The following TMTC2 variants were observed in gnomAD, a reference collection of about 807,000 sequenced individuals.
The protein encoded by TMTC2 is transmembrane O-mannosyltransferase targeting cadherins 2.
Under a neutral mutation model 82.4 loss-of-function variants are expected in TMTC2, and 43 were observed. The observed-to-expected ratio is 0.52, with a 90% CI of 0.41 to 0.67. The LOEUF (loss-of-function observed/expected upper bound fraction) is 0.67, where lower values mean the gene tolerates loss of function less well. TMTC2 is among the 30% of genes least tolerant of loss of function. The probability of loss-of-function intolerance (pLI) is 0.00; values close to 1 mark genes in which losing one functional copy is unlikely to be tolerated. For synonymous variants in TMTC2, 408 were observed against 381.9 expected (o/e 1.07, Z -0.80); for missense variants, 919 against 1,012.4 (o/e 0.91, Z 1.25).
intron 1 of TMTC2, among the ~76,000 whole-genome samples, chr12:82,850,184 C>G (rs148865321): frequency 1.3e-5 from 2 of 152,010 alleles, no homozygotes; most frequent in African/African-American, 4.8e-5. Flanking sequence ...GTGTCCAGTG[C>G]GCAATGCTAT....
At chr12:83,053,724 ATAAGC>A (rs1882436380) in intron 10 of TMTC2, among the ~76,000 whole-genome samples, 1 of 152,074 alleles carries the variant, frequency 6.6e-6, no homozygotes, top group African/African-American at 2.4e-5. Context: ...TCTCTGTAGA[ATAAGC>A]TAATATAAAG....
chr12:83,099,921 A>AT (rs36119477), intron 11 of TMTC2, among the ~76,000 whole-genome samples: 81,851 of 149,010 alleles, frequency 0.55, 23,278 homozygotes, highest in South Asian at 0.67. Flanking sequence ...AAGTTGTATA[A>AT]TTTTTTTTTT....
intron 1 of TMTC2, among the ~76,000 whole-genome samples, chr12:82,772,809 A>G (rs1025759890): frequency 3.3e-5 from 5 of 152,236 alleles, no homozygotes; most frequent in African/African-American, 4.8e-5. Context: ...TTTAAATTCT[A>G]CGTTGGGTGC....
At chr12:83,107,904 G>A (rs1884466245) in intron 11 of TMTC2, among the ~76,000 whole-genome samples, 1 of 152,096 alleles carries the variant, frequency 6.6e-6, no homozygotes, top group Admixed American at 6.6e-5. Flanking sequence ...TGTTAGAGGA[G>A]GGGCCCGGTG....
intron 11 of TMTC2, among the ~76,000 whole-genome samples, chr12:83,072,983 C>A (rs1164792793): frequency 3.3e-5 from 5 of 149,894 alleles, no homozygotes; most frequent in Non-Finnish European, 1.5e-5. Context: ...CATTTACATT[C>A]TATGTTAATG....
chr12:83,104,783 C>T (rs563333509), intron 11 of TMTC2, among the ~76,000 whole-genome samples: 9 of 152,284 alleles, frequency 5.9e-5, no homozygotes, highest in African/African-American at 2.2e-4. Flanking sequence ...AGTGGTTGCT[C>T]CACAGTCTGC....
chr12:82,876,347 A>G (rs1317267140), intron 2 of TMTC2, among the ~76,000 whole-genome samples: 1 of 152,006 alleles, frequency 6.6e-6, no homozygotes, highest in African/African-American at 2.4e-5. Flanking sequence ...TTTTGTTTTA[A>G]GTCTTGGTGA....
chr12:82,969,485 G>A (rs1269589800), intron 7 of TMTC2, among the ~76,000 whole-genome samples: 3 of 152,188 alleles, frequency 2.0e-5, no homozygotes, highest in Middle Eastern at 3.4e-3. Context: ...ATATTTTAAT[G>A]TGATTATTAG....
intron 1 of TMTC2, among the ~76,000 whole-genome samples, chr12:82,846,601 G>A (rs1031541071): frequency 1.2e-4 from 18 of 151,932 alleles, no homozygotes; most frequent in African/African-American, 4.1e-4. Flanking sequence ...TTCCTTTATT[G>A]CTTATCGGAA....
At chr12:82,844,938 C>CT (rs1039716139) in intron 1 of TMTC2, among the ~76,000 whole-genome samples, 24 of 150,786 alleles carry the variant, frequency 1.6e-4, no homozygotes, top group African/African-American at 5.8e-4. Flanking sequence ...TATAGAAAAA[C>CT]TGTAAGGGGC....
At chr12:82,897,286 G>A (rs1056791127) in intron 3 of TMTC2, among the ~76,000 whole-genome samples, 1 of 152,128 alleles carries the variant, frequency 6.6e-6, no homozygotes, top group African/African-American at 2.4e-5. Flanking sequence ...TGAGAGTTTT[G>A]ATTATACCAT....
At chr12:83,102,830 C>G (rs138898635) in intron 11 of TMTC2, among the ~76,000 whole-genome samples, 6 of 152,208 alleles carry the variant, frequency 3.9e-5, no homozygotes, top group African/African-American at 1.2e-4. Flanking sequence ...GAGGCAGTTC[C>G]GTAATTGTCA....
chr12:82,845,390 A>G (rs768149571), intron 1 of TMTC2, among the ~76,000 whole-genome samples: 1 of 151,336 alleles, frequency 6.6e-6, no homozygotes, highest in Non-Finnish European at 1.5e-5. Context: ...TAATGTAGCT[A>G]TGAGTTGATG....
At chr12:82,837,562 G>A (rs955342961) in intron 1 of TMTC2, among the ~76,000 whole-genome samples, 4 of 152,138 alleles carry the variant, frequency 2.6e-5, no homozygotes, top group African/African-American at 9.7e-5. Flanking sequence ...AGATTAATTT[G>A]GCATTATTGT....
intron 2 of TMTC2, among the ~76,000 whole-genome samples, chr12:82,890,079 C>T (rs1284432107): frequency 6.6e-6 from 1 of 152,138 alleles, no homozygotes; most frequent in African/African-American, 2.4e-5. Context: ...ATGAGTCTAC[C>T]TGTTCTAGAA....
chr12:82,840,778 G>A (rs952008101), intron 1 of TMTC2, among the ~76,000 whole-genome samples: 2 of 151,994 alleles, frequency 1.3e-5, no homozygotes, highest in East Asian at 1.9e-4. Flanking sequence ...GTTTTGTTCC[G>A]GTTTGTTTTG....
chr12:82,977,833 G>A (rs1878747100), intron 7 of TMTC2, among the ~76,000 whole-genome samples: 1 of 151,772 alleles, frequency 6.6e-6, no homozygotes, highest in Non-Finnish European at 1.5e-5. Flanking sequence ...AAAATGTTGG[G>A]AGGGGAATTT....
chr12:82,981,999 G>A (rs1047932797), intron 7 of TMTC2, among the ~76,000 whole-genome samples: 1 of 150,004 alleles, frequency 6.7e-6, no homozygotes, highest in Non-Finnish European at 1.5e-5. Flanking sequence ...TCCTGAATTT[G>A]ACATTTGCTT....
At chr12:82,737,746 TCTGTAATG>T (rs1223634998) in intron 1 of TMTC2, among the ~76,000 whole-genome samples, 2 of 152,222 alleles carry the variant, frequency 1.3e-5, no homozygotes, top group Non-Finnish European at 2.9e-5. Flanking sequence ...TTGACTTAAA[TCTGTAATG>T]CTCAACCTTA....
Sources: gnomAD v4.1 joint callset for allele counts (sites outside exome capture counted in the v4.1 genomes callset) on GRCh38, gnomAD v4.1.1 for gene constraint, MANE v1.5 for transcripts, NCBI Gene and HGNC (gene_info 2026-07-23, HGNC 2026-07-21) for gene names.